Variants in ARAP2 observed in about 807,000 individuals in gnomAD.
The protein encoded by ARAP2 is ArfGAP with RhoGAP domain, ankyrin repeat and PH domain 2, also known as arf-GAP with Rho-GAP domain, ANK repeat and PH domain-containing protein 2.
Under a neutral mutation model 194.5 loss-of-function variants are expected in ARAP2, and 148 were observed. That is an observed-to-expected ratio of 0.76 (90% confidence interval 0.67 to 0.87). The LOEUF (loss-of-function observed/expected upper bound fraction) is 0.87, where lower values mean the gene tolerates loss of function less well. Among genes scored for constraint, ARAP2 ranks in the 40% least tolerant of loss-of-function variants. ARAP2 has a pLI of 0.00. For missense variants in ARAP2, 2,128 were observed against 1,989.7 expected, an observed-to-expected ratio of 1.07 and a Z score of -1.32; for synonymous variants, 695 against 683.5, an observed-to-expected ratio of 1.02 and a Z score of -0.26.
At chr4:36,062,633 A>AGAGTGTGT (rs1553882454), downstream of ARAP2, among the ~76,000 whole-genome samples, 38 of 148,262 alleles carry the variant, frequency 2.6e-4, no homozygotes, top group Middle Eastern at 3.4e-3. Context: ...TTTGTGTGAG[A>AGAGTGTGT]GTGTGTGTGT....
chr4:36,021,018 A>G lies in ARAP2; in HGVS notation n.608-1732T>C, dbSNP rs993629894. 1.7e-4 allele frequency among the ~76,000 whole-genome samples: 26 copies of G among 152,224 alleles called. 1 individual carries two copies. Among genetic ancestry groups the G allele is most frequent in the Admixed American group, 1.6e-3 (25 of 15,282 alleles). ...ACTGGGTGAATGTACATGTGATTCA[A>G]TTAGATCAGAAAAATGAGAAGAAAC... is the stretch of plus-strand genomic sequence containing the variant. On this transcript the variant is annotated intron_variant and non_coding_transcript_variant, in intron 5 of 12. Transcript: ENST00000503225.
intron 32 of ARAP2, among the ~76,000 whole-genome samples, chr4:36,070,326 G>A (rs903649595): frequency 2.0e-5 from 3 of 152,180 alleles, no homozygotes; most frequent in Non-Finnish European, 2.9e-5. Context: ...AATGGGGAAA[G>A]AAAGTCATAG....
intron 6 of ARAP2, among the ~76,000 whole-genome samples, chr4:36,018,709 T>C (rs1716341522): frequency 1.3e-5 from 2 of 152,194 alleles, no homozygotes; most frequent in South Asian, 4.1e-4. Context: ...ATATACTTCC[T>C]AAAATAAAGG....
At chr4:36,080,304 T>C (rs764998146) in intron 30 of ARAP2, 25 bp from the exon 31 acceptor site, 1 of 1,590,746 alleles carries the variant, frequency 6.3e-7, no homozygotes, top group Non-Finnish European at 8.6e-7. Context: ...TTATAAACTA[T>C]GTCATTCAAA....
intron 19 of ARAP2, among the ~76,000 whole-genome samples, chr4:36,141,158 A>C (rs1356453663): frequency 6.6e-6 from 1 of 151,684 alleles, no homozygotes; most frequent in Non-Finnish European, 1.5e-5. Flanking sequence ...GTGATGATAC[A>C]ATTTCCTACC....
At chr4:36,035,935 A>C (rs1438857981) in intron 5 of ARAP2, among the ~76,000 whole-genome samples, 1 of 152,172 alleles carries the variant, frequency 6.6e-6, no homozygotes, top group Non-Finnish European at 1.5e-5. Flanking sequence ...TTTGTGAAAA[A>C]TCAGATGATG....
rs368633352 is a variant in ARAP2, at chr4:36,212,481, A to C, written c.1048T>G (p.Ser350Ala). The C allele has an allele frequency of 1.2e-6, 2 of 1,610,616 alleles. No individual in the cohort carries two copies. The highest frequency in any genetic ancestry group is 2.7e-5 in the African/African-American group (2 of 74,796). Residue 350 changes from serine to alanine, a missense_variant, in exon 5 of 33, where the codon TCT becomes GCT. By Grantham distance (99) the Ser-to-Ala change is moderately conservative. Coordinates refer to ENST00000303965, the MANE Select transcript of ARAP2 (RefSeq NM_015230.4). ...TGGGTCAAAAATTCATTCTTTATAG[A>C]TCGCTTCTATTAAAAAAGCAAACAA... The part of the protein sequence containing the change: ...FQRLENSKKR[S>A]IKNEFLTQGE...
At chr4:36,077,274 C>T (rs528449804) in intron 31 of ARAP2, among the ~76,000 whole-genome samples, 1 of 152,146 alleles carries the variant, frequency 6.6e-6, no homozygotes, top group African/African-American at 2.4e-5. Context: ...TATGTAAACG[C>T]CATATCTGAT....
intron 1 of ARAP2, among the ~76,000 whole-genome samples, chr4:36,233,686 C>T (rs906139255): frequency 6.6e-6 from 1 of 152,208 alleles, no homozygotes; most frequent in African/African-American, 2.4e-5. Context: ...TCCAGGGTAC[C>T]TAGCATTGGT....
At chr4:36,120,213 T>G (rs1489240329) in intron 23 of ARAP2, among the ~76,000 whole-genome samples, 1 of 151,538 alleles carries the variant, frequency 6.6e-6, no homozygotes, top group Non-Finnish European at 1.5e-5. Context: ...ATCAGATTAT[T>G]GCAAAGAAGT....
At chr4:36,171,672 A>AT (rs904633074) in intron 9 of ARAP2, among the ~76,000 whole-genome samples, 7 of 151,928 alleles carry the variant, frequency 4.6e-5, no homozygotes, top group African/African-American at 1.7e-4. Context: ...AAGTATAATA[A>AT]TTAAAAAAAA....
chr4:36,006,709 T>A (rs1333354553), intron 10 of ARAP2: 1 of 152,172 alleles, frequency 6.6e-6, no homozygotes, highest in African/African-American at 2.4e-5. Flanking sequence ...GAGAGTAGGC[T>A]ATCTTTAAAT....
intron 32 of ARAP2, among the ~76,000 whole-genome samples, chr4:36,072,082 A>C (rs1238535057): frequency 6.6e-6 from 1 of 152,046 alleles, no homozygotes; most frequent in African/African-American, 2.4e-5. Context: ...ATTATGGCAG[A>C]TATTTTCATG....
chr4:36,051,876 C>A (rs920100871), intron 3 of ARAP2: 1 of 152,200 alleles, frequency 6.6e-6, no homozygotes, highest in Non-Finnish European at 1.5e-5. Flanking sequence ...TGACGTGTGA[C>A]TGTTTGATAA....
chr4:36,082,789 G>A (rs978869329), intron 29 of ARAP2, among the ~76,000 whole-genome samples: 1 of 152,178 alleles, frequency 6.6e-6, no homozygotes, highest in African/African-American at 2.4e-5. Context: ...AAAGTAACCT[G>A]TGATAAGAAA....
chr4:36,200,127 T>A (rs1744057650), intron 6 of ARAP2, among the ~76,000 whole-genome samples: 1 of 152,254 alleles, frequency 6.6e-6, no homozygotes, highest in Non-Finnish European at 1.5e-5. Context: ...ATTAAAACTA[T>A]CAACATTCAA....
rs544621381 is a variant in ARAP2 at position 36,210,403 on chromosome 4, G to T, written c.1474C>A (p.Leu492Ile). ...KKVKSGWLDK[L>I]SPQGKRMFQK... The stretch of plus-strand genomic sequence containing the variant: ...ATACGTACATACCCTTGAGGAGAGA[G>T]TTTATCCAGCCATCCTGATTTAACC... The change falls in exon 6 of 33, where the codon CTC becomes ATC. Residue 492 changes from leucine (L) to isoleucine (I), a missense_variant. By Grantham distance (5) the Leu-to-Ile change is conservative. Transcript: ENST00000303965. 8 of 1,610,756 alleles carry T rather than the reference G, an allele frequency of 5.0e-6. No homozygotes were observed. The South Asian group carries it at 8.8e-5, about 18-fold the overall frequency.
intron 16 of ARAP2, 32 bp from the exon 17 acceptor site, chr4:36,148,539 A>G (rs1395198345): frequency 1.4e-6 from 2 of 1,479,476 alleles, no homozygotes; most frequent in Non-Finnish European, 1.9e-6. Flanking sequence ...AGATACTACC[A>G]GTTATATTTA....
chr4:36,050,493 G>A (rs996302768), intron 3 of ARAP2, among the ~76,000 whole-genome samples: 1 of 152,200 alleles, frequency 6.6e-6, no homozygotes, highest in Non-Finnish European at 1.5e-5. Context: ...GGATTTTCAT[G>A]TGTGGCGTTG....
Sources: allele counts gnomAD v4.1 joint callset (sites outside exome capture counted in the v4.1 genomes callset), GRCh38; gene constraint gnomAD v4.1.1; transcripts MANE v1.5; gene names NCBI Gene and HGNC (gene_info 2026-07-23, HGNC 2026-07-21).